The following DPP3 variants were observed in gnomAD, a reference collection of about 807,000 sequenced individuals.
DPP3 encodes DPP III.
A neutral mutation model predicts 89.8 loss-of-function variants in DPP3; 64 were observed. The ratio of observed to expected loss-of-function variants is 0.71; its 90% CI spans 0.58 to 0.88. DPP3 has a LOEUF of 0.88. DPP3 is among the 40% of genes least tolerant of loss of function. The probability of loss-of-function intolerance (pLI) is 0.00; values close to 1 mark genes in which losing one functional copy is unlikely to be tolerated. For synonymous variants in DPP3, 377 were observed against 404.3 expected (o/e 0.93, Z 0.81); for missense variants, 835 against 972.5 (o/e 0.86, Z 1.88).
At chr11:66,488,054 C>T (rs529584354) in intron 6 of DPP3, 47 bp downstream of exon 6, 11 of 1,574,464 alleles carry the variant, frequency 7.0e-6, no homozygotes, top group South Asian at 5.7e-5. Context: ...TGGGCATTTC[C>T]GGACCTGGGT....
chr11:66,493,598 C>A lies in DPP3; in HGVS notation c.1354C>A (p.Leu452Met), dbSNP rs904877275. ...CGATGTGCAGGTGGGCCTGCACGAGCTGCTGGGCCATGGCAGTGGCAAGCT... is the reference window on the plus strand; with the variant it reads ...CGATGTGCAGGTGGGCCTGCACGAGATGCTGGGCCATGGCAGTGGCAAGCT... ...SFDVQVGLHE[L>M]LGHGSGKLFV... Residue 452 changes from leucine (L) to methionine (M), a missense_variant, in exon 12 of 18, where the codon CTG (leucine) becomes ATG (methionine). Physicochemically the swap from Leu to Met is conservative, Grantham distance 15. Coordinates refer to ENST00000531863, the MANE Select transcript of DPP3 (RefSeq NM_130443.4). The A allele has an allele frequency of 6.2e-7, 1 of 1,613,084 alleles. No individual in the cohort carries two copies. The highest frequency in any genetic ancestry group is 1.7e-5 in the Admixed American group (1 of 60,012).
At chr11:66,493,278 C>T in intron 11 of DPP3, 99 bp downstream of exon 11, 1 of 1,078,596 alleles carries the variant, frequency 9.3e-7, no homozygotes, top group Non-Finnish European at 1.4e-6. Flanking sequence ...AAGCACATAG[C>T]TTCAGTCCTG....
chr11:66,493,439 A>T, intron 11 of DPP3, 102 bp from the exon 12 acceptor site: 1 of 1,229,092 alleles, frequency 8.1e-7, no homozygotes, highest in Non-Finnish European at 1.1e-6. Flanking sequence ...TTTACCAAGC[A>T]CATGCACTGA....
At chr11:66,487,373 A>T (rs377309985) in intron 5 of DPP3, 31 bp downstream of exon 5, 25 of 1,609,280 alleles carry the variant, frequency 1.6e-5, no homozygotes, top group Non-Finnish European at 2.0e-5. Context: ...AAGGTAGCAG[A>T]GGTTTGGTGG....
rs1301977362 is a variant in DPP3, at chr11:66,486,622, G to A, written c.443G>A (p.Gly148Glu). The A allele has an allele frequency of 6.3e-7, 1 of 1,584,118 alleles. No homozygotes were observed. The highest frequency in any genetic ancestry group is 8.6e-7 in the Non-Finnish European group (1 of 1,164,460). The change falls in exon 4 of 18, where the codon GGG becomes GAG. Residue 148 changes from glycine to glutamate, a missense_variant. Transcript: ENST00000531863. The part of the protein sequence containing the change: ...EEVRGLWQTC[G>E]ELMFSLEPRL... ...GTCAGGGGCCTCTGGCAGACCTGCG[G>A]GGAGCTTATGTTCTCTCTGGAGCCA...
Position 66,492,908 on chromosome 11 carries a change from A to G in DPP3, c.1181A>G (p.Asn394Ser), listed in dbSNP as rs767516638. The G allele has an allele frequency of 5.6e-6, 9 of 1,608,766 alleles. No homozygotes were observed. The highest frequency in any genetic ancestry group is 1.3e-5 in the African/African-American group (1 of 74,732). The change falls in exon 10 of 18, where the codon AAC (asparagine) becomes AGC (serine). Residue 394 changes from asparagine (N) to serine (S), a missense_variant and splice_region_variant. By Grantham distance (46) the Asn-to-Ser change is conservative (BLOSUM62 1). Transcript: ENST00000531863. ...SGIPAGINIP[N>S]YDDLRQTEGF... ...ATCCCTGCCGGCATCAACATCCCCA[A>G]CTGTGAGTGTCTCAGGCCCAGCCCC...
At chr11:66,486,984 G>A (rs952945426) in intron 4 of DPP3, among the ~76,000 whole-genome samples, 1 of 152,152 alleles carries the variant, frequency 6.6e-6, no homozygotes, top group Non-Finnish European at 1.5e-5. Context: ...GAAGGAGGGG[G>A]GTCCCAGGTT....
chr11:66,485,180 T>C lies in DPP3; in HGVS notation c.278T>C (p.Leu93Pro). Residue 93 changes from leucine (L) to proline (P), a missense_variant, in exon 3 of 18, where the codon CTG (leucine) becomes CCG (proline). Physicochemically the swap from Leu to Pro is moderately conservative, Grantham distance 98 (BLOSUM62 -3). Coordinates refer to ENST00000531863, the MANE Select transcript of DPP3 (RefSeq NM_130443.4). Reference sequence around the variant, plus strand: ...TGCCTGCCTCCCCCTCAGGCGTTCCTGGTCTATGCCGCGGGTGTTTACTCC... The same window carrying C: ...TGCCTGCCTCCCCCTCAGGCGTTCCCGGTCTATGCCGCGGGTGTTTACTCC... ...GLTEEEYQAF[L>P]VYAAGVYSNM... 1.2e-6 allele frequency: 2 copies of C among 1,614,164 alleles called. No individual in the cohort carries two copies. Among genetic ancestry groups the C allele is most frequent in the Non-Finnish European group, 1.7e-6 (2 of 1,180,026 alleles).
rs374869903 is a variant in DPP3, at chr11:66,491,357, G to T, written c.772G>T (p.Val258Leu). ...GGACTACGCGCCCATCCTCCAGAAG[G>T]TGGTGGAGCAGCTGGAGAAAGCCAA... is the stretch of plus-strand genomic sequence containing the variant. ...RGDYAPILQK[V>L]VEQLEKAKAY... The change falls in exon 7 of 18, where the codon GTG (valine) becomes TTG (leucine). Residue 258 changes from valine (V) to leucine (L), a missense_variant. Physicochemically the swap from Val to Leu is conservative, Grantham distance 32 (BLOSUM62 1). Transcript: ENST00000531863. 18 of 1,613,786 alleles carry T rather than the reference G, an allele frequency of 1.1e-5. No homozygotes were observed. In the African/African-American group the frequency reaches 1.6e-4, roughly 14 times the overall value.
chr11:66,505,004 A>G (rs1050125708), intron 17 of DPP3, among the ~76,000 whole-genome samples: 2 of 152,276 alleles, frequency 1.3e-5, no homozygotes, highest in Non-Finnish European at 2.9e-5. Flanking sequence ...GTTGTAAGAC[A>G]GTGACAGAAG....
rs1590730187 is a variant in DPP3 at position 66,482,557 on chromosome 11, T to A, written c.270+87T>A. ...GCAAATGTCTGTCTCTTTCAAGGGG[T>A]AGGTGGAGGATTAGACCAAAGGTTA... On this transcript the variant is annotated intron_variant, in intron 2 of 17. Coordinates refer to ENST00000531863, the MANE Select transcript of DPP3 (RefSeq NM_130443.4). 4 of 1,542,300 alleles carry A rather than the reference T, an allele frequency of 2.6e-6. No homozygotes were observed. The South Asian group carries it at 3.6e-5, about 14-fold the overall frequency.
At position 66,492,639 on chromosome 11, in the gene DPP3, G is replaced by A. The variant is rs886390994; in HGVS notation, c.989-77G>A. ...TGCATACAGTAGGCATTCAGTACATGCGTGATGGCTGGAGTAGGGTGAAGT... is the reference window on the plus strand; with the variant it reads ...TGCATACAGTAGGCATTCAGTACATACGTGATGGCTGGAGTAGGGTGAAGT... On this transcript the variant is annotated intron_variant, in intron 9 of 17. Transcript: ENST00000531863. 1.3e-5 allele frequency: 20 copies of A among 1,491,364 alleles called. No homozygotes were observed. The African/African-American group carries it at 2.4e-4, about 18-fold the overall frequency. 92.4% of individuals were successfully genotyped at this position (1,491,364 alleles called of 1,614,324 possible). A position where few individuals can be genotyped will look rare whatever the true frequency, so the allele number is the denominator to read the frequency against.
In DPP3 at chr11:66,487,281, A is replaced by G. The variant is rs200360094; in HGVS notation, c.512A>G (p.Tyr171Cys). ...LGLGKEGITT[Y>C]FSGNCTMEDA... ...CTTCCCCAACAGGGAATCACCACCT[A>G]TTTCTCTGGGAATTGTACCATGGAA... The change falls in exon 5 of 18, where the codon TAT (tyrosine) becomes TGT (cysteine). Residue 171 changes from tyrosine to cysteine, a missense_variant. Transcript: ENST00000531863. 22 of 1,613,738 alleles carry G rather than the reference A, an allele frequency of 1.4e-5. No individual in the cohort carries two copies. The highest frequency in any genetic ancestry group is 5.3e-5 in the African/African-American group (4 of 74,822).
Position 66,509,451 on chromosome 11 carries a change from T to C in DPP3, c.*200T>C. 8 of 1,509,468 alleles carry C rather than the reference T, an allele frequency of 5.3e-6. No homozygotes were observed. The highest frequency in any genetic ancestry group is 2.5e-5 in the East Asian group (1 of 40,808). 93.5% of individuals were successfully genotyped at this position (1,509,468 alleles called of 1,614,324 possible). A position where few individuals can be genotyped will look rare whatever the true frequency, so the allele number is the denominator to read the frequency against. ...CAATTGCTTCCCCTCTGTGATCTCA[T>C]TTCATCTGCACTGCCATACGTGGAG... On this transcript the variant is annotated 3_prime_UTR_variant, in exon 18 of 18. Transcript: ENST00000531863.
chr11:66,507,442 G>C (rs1011492341), intron 17 of DPP3, among the ~76,000 whole-genome samples: 10 of 151,846 alleles, frequency 6.6e-5, no homozygotes, highest in Non-Finnish European at 1.0e-4. Context: ...ACTCCAGCCT[G>C]GGTGACAGAG....
chr11:66,505,903 GA>G (rs1855787783), intron 17 of DPP3, among the ~76,000 whole-genome samples: 1 of 151,744 alleles, frequency 6.6e-6, no homozygotes, highest in African/African-American at 2.4e-5. Flanking sequence ...TATTGGTGAG[GA>G]AAAAGCATTT....
In DPP3 at chr11:66,509,644, A is replaced by G. The variant is rs1274428773; in HGVS notation, c.*393A>G. Reference sequence around the variant, plus strand: ...TTTTATAACCAGACAAATAAATATTAGAGACAACCACCATCTTTGCGGCGT... The same window carrying G: ...TTTTATAACCAGACAAATAAATATTGGAGACAACCACCATCTTTGCGGCGT... On this transcript the variant is annotated 3_prime_UTR_variant, in exon 18 of 18. Coordinates refer to ENST00000531863, the MANE Select transcript of DPP3 (RefSeq NM_130443.4). The G allele has an allele frequency of 2.2e-5, 11 of 506,686 alleles. No homozygotes were observed. The East Asian group carries it at 4.5e-4, about 21-fold the overall frequency. The allele number at this position is 506,686 out of a possible 1,614,324, so 31.4% of individuals were successfully genotyped here.
intron 17 of DPP3, 114 bp from the exon 18 acceptor site, chr11:66,508,965 C>T (rs1855873424): frequency 2.2e-6 from 3 of 1,372,700 alleles, no homozygotes; most frequent in Admixed American, 2.2e-5. Context: ...GTTTTTTTGG[C>T]AGAGCTCAGT....
Position 66,493,132 on chromosome 11 carries a change from T to C in DPP3, c.1249T>C (p.Tyr417His). 2 of 1,614,130 alleles carry C rather than the reference T, an allele frequency of 1.2e-6. No homozygotes were observed. Among genetic ancestry groups the C allele is most frequent in the South Asian group, 2.2e-5 (2 of 91,080 alleles). Residue 417 changes from tyrosine to histidine, a missense_variant, in exon 11 of 18, where the codon TAC becomes CAC. Coordinates refer to ENST00000531863, the MANE Select transcript of DPP3 (RefSeq NM_130443.4). ...VSLGNVLAVAYATQREKLTFL... is the reference protein window; with the variant it reads ...VSLGNVLAVAHATQREKLTFL... ...GCTGGGGAATGTGCTGGCTGTGGCC[T>C]ACGCCACGCAGCGGGAGAAGCTTAC...
Sources: gnomAD v4.1 joint callset for allele counts (sites outside exome capture counted in the v4.1 genomes callset) on GRCh38, gnomAD v4.1.1 for gene constraint, MANE v1.5 for transcripts, NCBI Gene and HGNC (gene_info 2026-07-23, HGNC 2026-07-21) for gene names.